L3MBTL4: variants seen among roughly 807,000 people sequenced by gnomAD.
L3MBTL4 encodes the protein lethal(3)malignant brain tumor-like protein 4.
Under a neutral mutation model 84.5 loss-of-function variants are expected in L3MBTL4, and 70 were observed. The ratio of observed to expected loss-of-function variants is 0.83; its 90% confidence interval spans 0.68 to 1.01. The LOEUF (loss-of-function observed/expected upper bound fraction) is 1.01, where lower values mean the gene tolerates loss of function less well. Among genes scored for constraint, L3MBTL4 ranks in the 50% least tolerant of loss-of-function variants. L3MBTL4 has a pLI of 0.00. For synonymous variants in L3MBTL4, 274 were observed against 259.8 expected (o/e 1.05, Z -0.52); for missense variants, 715 against 754.8 (o/e 0.95, Z 0.62).
chr18:5,991,672 A>C (rs2053706004), intron 16 of L3MBTL4, among the ~76,000 whole-genome samples: 1 of 152,216 alleles, frequency 6.6e-6, no homozygotes, highest in African/African-American at 2.4e-5. Context: ...ATTTAAAAGA[A>C]CAAAGAATTA....
intron 3 of L3MBTL4, among the ~76,000 whole-genome samples, chr18:6,307,135 T>C (rs1008257992): frequency 2.6e-5 from 4 of 152,008 alleles, no homozygotes; most frequent in Admixed American, 6.6e-5. Context: ...GATGTTAATA[T>C]ATTAAAAAGT....
intron 14 of L3MBTL4, among the ~76,000 whole-genome samples, chr18:6,107,133 A>T (rs1339884300): frequency 3.3e-5 from 5 of 152,236 alleles, no homozygotes; most frequent in African/African-American, 9.6e-5. Flanking sequence ...ATTTCATTAA[A>T]TAAATATAAT....
chr18:6,365,967 C>T (rs1223657216), intron 1 of L3MBTL4, among the ~76,000 whole-genome samples: 2 of 152,234 alleles, frequency 1.3e-5, no homozygotes, highest in Admixed American at 1.3e-4. Context: ...GCCAAATGCA[C>T]CTCACAAGGG....
chr18:6,378,949 G>A (rs1013941600), intron 1 of L3MBTL4, among the ~76,000 whole-genome samples: 1 of 150,940 alleles, frequency 6.6e-6, no homozygotes, highest in Non-Finnish European at 1.5e-5. Context: ...TCCTATCCAT[G>A]AGCATAGAAT....
intron 16 of L3MBTL4, among the ~76,000 whole-genome samples, chr18:6,068,507 A>T (rs1345275115): frequency 6.6e-6 from 1 of 152,162 alleles, no homozygotes; most frequent in Non-Finnish European, 1.5e-5. Flanking sequence ...CCAGCTATTC[A>T]GATCAGACAG....
chr18:6,204,352 T>C (rs971163953), intron 12 of L3MBTL4, among the ~76,000 whole-genome samples: 5 of 152,334 alleles, frequency 3.3e-5, no homozygotes, highest in Middle Eastern at 3.4e-3. Context: ...AAAAGCTCTG[T>C]GGCTACTGCT....
At chr18:6,031,839 T>G in intron 16 of L3MBTL4, 1 of 985,120 alleles carries the variant, frequency 1.0e-6, no homozygotes, top group Non-Finnish European at 1.2e-6. Context: ...TTTCACAGAT[T>G]TAGCAGGCAC....
chr18:6,098,382 C>A (rs1358517366), intron 14 of L3MBTL4, among the ~76,000 whole-genome samples: 1 of 152,218 alleles, frequency 6.6e-6, no homozygotes, highest in African/African-American at 2.4e-5. Context: ...TCTAAGCCCC[C>A]TCTTGTTCCC....
At chr18:5,972,428 T>C (rs181444103) in intron 16 of L3MBTL4, among the ~76,000 whole-genome samples, 2 of 152,002 alleles carry the variant, frequency 1.3e-5, no homozygotes, top group Admixed American at 6.6e-5. Context: ...GCAGGGCTGG[T>C]GTGAGGGAAA....
At chr18:6,266,939 AT>A (rs2048661920) in intron 4 of L3MBTL4, among the ~76,000 whole-genome samples, 1 of 151,490 alleles carries the variant, frequency 6.6e-6, no homozygotes, top group Non-Finnish European at 1.5e-5. Flanking sequence ...AAATAAAATA[AT>A]AATAATAATA....
At chr18:6,064,940 G>C (rs1270086099) in intron 16 of L3MBTL4, among the ~76,000 whole-genome samples, 1 of 151,956 alleles carries the variant, frequency 6.6e-6, no homozygotes, top group African/African-American at 2.4e-5. Flanking sequence ...TTCTCAGGGG[G>C]AATGCTTTAA....
intron 1 of L3MBTL4, among the ~76,000 whole-genome samples, chr18:6,316,092 T>G (rs1440706873): frequency 7.0e-6 from 1 of 142,124 alleles, no homozygotes; most frequent in African/African-American, 2.6e-5. Context: ...TGGTGCCTAC[T>G]GCTGGGAGAC....
chr18:6,305,024 C>A (rs563583624), intron 3 of L3MBTL4, among the ~76,000 whole-genome samples: 1 of 152,342 alleles, frequency 6.6e-6, no homozygotes, highest in East Asian at 1.9e-4. Context: ...TTACCTCTCA[C>A]TTTGGATTTA....
intron 16 of L3MBTL4, among the ~76,000 whole-genome samples, chr18:6,023,402 A>G (rs1002708516): frequency 1.1e-4 from 16 of 152,344 alleles, no homozygotes; most frequent in African/African-American, 3.8e-4. Context: ...AATCTGCAGA[A>G]AGTGAGCCAG....
intron 1 of L3MBTL4, among the ~76,000 whole-genome samples, chr18:6,334,181 G>T (rs987880438): frequency 2.0e-5 from 3 of 152,138 alleles, no homozygotes; most frequent in African/African-American, 7.2e-5. Flanking sequence ...TGATGCTCAG[G>T]TCAACAAACG....
chr18:6,056,589 C>A (rs188776123), intron 16 of L3MBTL4, among the ~76,000 whole-genome samples: 2 of 152,060 alleles, frequency 1.3e-5, no homozygotes, highest in Non-Finnish European at 2.9e-5. Context: ...GCTCTCTATG[C>A]GACAGGCAAG....
At chr18:6,145,715 A>AT (rs1263430694) in intron 13 of L3MBTL4, among the ~76,000 whole-genome samples, 2 of 152,074 alleles carry the variant, frequency 1.3e-5, no homozygotes, top group African/African-American at 4.8e-5. Flanking sequence ...TCAAGATTTT[A>AT]TTTTTTCTTA....
intron 3 of L3MBTL4, among the ~76,000 whole-genome samples, chr18:6,308,508 T>C (rs1015283239): frequency 6.6e-6 from 1 of 152,204 alleles, no homozygotes; most frequent in Non-Finnish European, 1.5e-5. Flanking sequence ...GATATAACAT[T>C]GTGTATAACC....
intron 1 of L3MBTL4, among the ~76,000 whole-genome samples, chr18:6,369,911 A>T (rs1301985491): frequency 6.6e-6 from 1 of 152,144 alleles, no homozygotes; most frequent in African/African-American, 2.4e-5. Flanking sequence ...AGGCAGGTGG[A>T]TCACTTGAGG....
Sources: allele counts gnomAD v4.1 joint callset (sites outside exome capture counted in the v4.1 genomes callset), GRCh38; gene constraint gnomAD v4.1.1; transcripts MANE v1.5; gene names NCBI Gene and HGNC (gene_info 2026-07-23, HGNC 2026-07-21).